BANK1: variants seen among roughly 807,000 people sequenced by gnomAD.
BANK1 encodes the protein B cell scaffold protein with ankyrin repeats 1, also known as B-cell scaffold protein with ankyrin repeats.
A neutral mutation model predicts 94.5 loss-of-function variants in BANK1; 95 were observed. The ratio of observed to expected loss-of-function variants is 1.00; its 90% CI spans 0.85 to 1.19. BANK1 has a LOEUF of 1.19. Among genes scored for constraint, BANK1 ranks in the 50% most tolerant of loss-of-function variants. The pLI, the probability that BANK1 is intolerant of heterozygous loss-of-function variation, is 0.00. For missense variants in BANK1, 987 were observed against 932.2 expected, an observed-to-expected ratio of 1.06 and a Z score of -0.77; for synonymous variants, 334 against 308.4, an observed-to-expected ratio of 1.08 and a Z score of -0.87.
intron 5 of BANK1, among the ~76,000 whole-genome samples, chr4:101,878,486 T>C (rs1043422366): frequency 6.6e-6 from 1 of 152,096 alleles, no homozygotes; most frequent in Admixed American, 6.5e-5. Flanking sequence ...AGGAGAGAAA[T>C]AGTCCTCAAT....
rs73834511 is a variant in BANK1, at chr4:101,958,981, G to T, written c.1206+40792G>T. On this transcript the variant is annotated intron_variant, in intron 7 of 16. Coordinates refer to ENST00000322953, the MANE Select transcript of BANK1 (RefSeq NM_017935.5). The stretch of plus-strand genomic sequence containing the variant: ...ACTTTGGTGTAAAAAACTTGCGGAT[G>T]GTCCTGTAAAATCAGCTCTCCCATA... Among the ~76,000 whole-genome samples, 1,002 of 152,238 alleles carry T rather than the reference G, an allele frequency of 6.6e-3. 15 individuals carry two copies. The highest frequency in any genetic ancestry group is 0.057 in the East Asian group (294 of 5,166).
intron 3 of BANK1, among the ~76,000 whole-genome samples, chr4:101,861,062 C>G (rs935877264): frequency 2.0e-5 from 3 of 152,196 alleles, no homozygotes; most frequent in Non-Finnish European, 4.4e-5. Context: ...AGGGCTTACA[C>G]TCCGGCTTTT....
At position 101,841,586 on chromosome 4, in the gene BANK1, A is replaced by G. The variant is rs536488365; in HGVS notation, c.469+11380A>G. Among the ~76,000 whole-genome samples, 8 of 151,670 alleles carry G rather than the reference A, an allele frequency of 5.3e-5. No homozygotes were observed. In the East Asian group the frequency reaches 1.6e-3, roughly 29 times the overall value. On this transcript the variant is annotated intron_variant, in intron 2 of 16. Transcript: ENST00000322953. ...AGTTTGGAATGAATAATTCAAAATAATGAAAGCATAGATTCTAATGGTAAT... is the reference window on the plus strand; with the variant it reads ...AGTTTGGAATGAATAATTCAAAATAGTGAAAGCATAGATTCTAATGGTAAT...
chr4:102,029,346 TA>T (rs1168131628), intron 9 of BANK1, among the ~76,000 whole-genome samples: 1 of 151,798 alleles, frequency 6.6e-6, no homozygotes, highest in African/African-American at 2.4e-5. Context: ...AATTAAATTT[TA>T]GGTGAAATAT....
At chr4:101,896,057 T>C (rs1253805811) in intron 6 of BANK1, among the ~76,000 whole-genome samples, 1 of 151,952 alleles carries the variant, frequency 6.6e-6, no homozygotes, top group Non-Finnish European at 1.5e-5. Context: ...TTTCACCTTA[T>C]TGAGTCTGTA....
At chr4:102,040,340 T>C (rs1053893491) in intron 10 of BANK1, among the ~76,000 whole-genome samples, 2 of 152,114 alleles carry the variant, frequency 1.3e-5, no homozygotes, top group Non-Finnish European at 2.9e-5. Context: ...AAAAGGGTAT[T>C]ATTTGGGAAA....
rs76284146 is a variant in BANK1 at position 101,881,176 on chromosome 4, A to G, written c.903+10532A>G. ...GAACATATTTGCAAACTACCTATCT[A>G]ACAAGGGATTAATAACCAGGATATA... On this transcript the variant is annotated intron_variant, in intron 5 of 16. Transcript: ENST00000322953. Among the ~76,000 whole-genome samples the G allele has an allele frequency of 4.7e-3, 721 of 152,188 alleles. 13 individuals are homozygous for G. In the East Asian group the frequency reaches 0.058, roughly 12 times the overall value.
chr4:101,988,654 A>G (rs907448656), intron 7 of BANK1, among the ~76,000 whole-genome samples: 7 of 152,156 alleles, frequency 4.6e-5, no homozygotes, highest in Non-Finnish European at 8.8e-5. Context: ...TCTCTAAATA[A>G]TTGTATTTTG....
intron 13 of BANK1, among the ~76,000 whole-genome samples, chr4:102,070,645 C>T (rs1391513810): frequency 6.6e-6 from 1 of 152,190 alleles, no homozygotes; most frequent in East Asian, 1.9e-4. Flanking sequence ...TTTAGAAAGG[C>T]AGTGTGATAA....
At position 101,944,874 on chromosome 4, in the gene BANK1, T is replaced by G. The variant is rs560131913; in HGVS notation, c.1206+26685T>G. On this transcript the variant is annotated intron_variant, in intron 7 of 16. Transcript: ENST00000322953. ...TAAAGTTTGCATGTGGAGTGAGTGTTTGCATTCCAAAGACCTGATGCTGGG... is the reference window on the plus strand; with the variant it reads ...TAAAGTTTGCATGTGGAGTGAGTGTGTGCATTCCAAAGACCTGATGCTGGG... Among the ~76,000 whole-genome samples the G allele has an allele frequency of 5.3e-5, 8 of 152,102 alleles. No homozygotes were observed. In the East Asian group the frequency reaches 1.4e-3, roughly 26 times the overall value.
At chr4:101,986,899 G>GTGTGTGTGTGTGTATATATATATA (rs1343197093) in intron 7 of BANK1, among the ~76,000 whole-genome samples, 3 of 82,660 alleles carry the variant, frequency 3.6e-5, no homozygotes, top group African/African-American at 1.9e-4. Flanking sequence ...GTGTGTGTGT[G>GTGTGTGTGTGTGTATATATATATA]TATATATATA....
rs564716752 is a variant in BANK1, at chr4:101,809,471, C to G, written c.70+18521C>G. Among the ~76,000 whole-genome samples, 4 of 151,810 alleles carry G rather than the reference C, an allele frequency of 2.6e-5. No individual in the cohort carries two copies. In the East Asian group the frequency reaches 7.7e-4, roughly 29 times the overall value. ...TGTAACCAAAAACTACCTGTTCCCCCCAAAACTACTGAAATAAATATATAT... is the reference window on the plus strand; with the variant it reads ...TGTAACCAAAAACTACCTGTTCCCCGCAAAACTACTGAAATAAATATATAT... On this transcript the variant is annotated intron_variant, in intron 1 of 16. Transcript: ENST00000322953.
At chr4:101,836,673 T>C (rs1254713694) in intron 2 of BANK1, among the ~76,000 whole-genome samples, 1 of 152,190 alleles carries the variant, frequency 6.6e-6, no homozygotes, top group African/African-American at 2.4e-5. Context: ...GTGGGATTCT[T>C]GTCAAGAATA....
chr4:101,960,514 T>C (rs964492041), intron 7 of BANK1, among the ~76,000 whole-genome samples: 10 of 151,928 alleles, frequency 6.6e-5, no homozygotes, highest in Non-Finnish European at 1.3e-4. Context: ...TAGTGGGTAG[T>C]GGGGAACTAG....
chr4:101,850,863 T>C (rs1011906032), intron 2 of BANK1, among the ~76,000 whole-genome samples: 1 of 152,152 alleles, frequency 6.6e-6, no homozygotes, highest in Non-Finnish European at 1.5e-5. Context: ...ATTTAAGCAA[T>C]AGACGTTTTG....
At chr4:101,814,578 A>C (rs1017864445) in intron 1 of BANK1, among the ~76,000 whole-genome samples, 3 of 152,190 alleles carry the variant, frequency 2.0e-5, no homozygotes, top group Admixed American at 6.6e-5. Context: ...CAAGAAACGG[A>C]CTGGAGTTTT....
At chr4:101,926,786 A>G (rs955057005) in intron 7 of BANK1, among the ~76,000 whole-genome samples, 27 of 151,740 alleles carry the variant, frequency 1.8e-4, no homozygotes, top group African/African-American at 6.5e-4. Flanking sequence ...GTCTAAAACT[A>G]TGAAAGAGAA....
At chr4:101,875,246 G>A (rs1366428437) in intron 5 of BANK1, among the ~76,000 whole-genome samples, 1 of 152,154 alleles carries the variant, frequency 6.6e-6, no homozygotes, top group Non-Finnish European at 1.5e-5. Flanking sequence ...GGAGAGCACA[G>A]CAATTATGAG....
In BANK1 at chr4:102,027,131, T is replaced by A. The variant is rs576194119; in HGVS notation, c.1594+1622T>A. ...GTTAGTAGTACACTGACTACAAAAT[T>A]CTGGCATATTTTTCTCATTTTTTCA... On this transcript the variant is annotated intron_variant, in intron 9 of 16. Transcript: ENST00000322953. 1.4e-3 allele frequency among the ~76,000 whole-genome samples: 211 copies of A among 152,298 alleles called. 1 individual carries two copies. The highest frequency in any genetic ancestry group is 5.0e-3 in the African/African-American group (206 of 41,558).
Sources: allele counts gnomAD v4.1 joint callset (sites outside exome capture counted in the v4.1 genomes callset), GRCh38; gene constraint gnomAD v4.1.1; transcripts MANE v1.5; gene names NCBI Gene and HGNC (gene_info 2026-07-23, HGNC 2026-07-21).